Variants in KCNIP4 observed in about 807,000 individuals in gnomAD.
KCNIP4 encodes the protein potassium voltage-gated channel interacting protein 4, also known as Kv channel-interacting protein 4.
In KCNIP4, 12 loss-of-function variants were observed where a neutral mutation model predicts 34.0. The ratio of observed to expected loss-of-function variants is 0.35; its 90% CI spans 0.23 to 0.57. The LOEUF is 0.57. KCNIP4 is among the 20% of genes least tolerant of loss of function. KCNIP4 has a pLI of 0.83. For missense variants in KCNIP4, 238 were observed against 311.7 expected, an observed-to-expected ratio of 0.76 and a Z score of 1.78; for synonymous variants, 124 against 102.2, an observed-to-expected ratio of 1.21 and a Z score of -1.29.
intron 1 of KCNIP4, among the ~76,000 whole-genome samples, chr4:21,555,892 G>T (rs1039102456): frequency 6.6e-6 from 1 of 152,036 alleles, no homozygotes; most frequent in Non-Finnish European, 1.5e-5. Flanking sequence ...CCAGTTTGCT[G>T]GTCCATCAGA....
chr4:21,772,764 G>A (rs567663079), intron 1 of KCNIP4, among the ~76,000 whole-genome samples: 2 of 152,140 alleles, frequency 1.3e-5, no homozygotes, highest in South Asian at 2.1e-4. Context: ...AGTCAGTGAC[G>A]ATACCCCCTT....
chr4:21,199,408 T>C (rs1299399372), intron 1 of KCNIP4, among the ~76,000 whole-genome samples: 1 of 152,232 alleles, frequency 6.6e-6, no homozygotes, highest in African/African-American at 2.4e-5. Flanking sequence ...CACTTTTTGA[T>C]GGGGTTGTTT....
At chr4:21,892,960 C>T (rs1727189802) in intron 1 of KCNIP4, among the ~76,000 whole-genome samples, 2 of 152,098 alleles carry the variant, frequency 1.3e-5, no homozygotes, top group Non-Finnish European at 1.5e-5. Context: ...TAGAAAATAT[C>T]TTCTTATTTC....
At chr4:21,138,388 T>C (rs183003984) in intron 1 of KCNIP4, among the ~76,000 whole-genome samples, 1 of 152,346 alleles carries the variant, frequency 6.6e-6, no homozygotes, top group African/African-American at 2.4e-5. Context: ...ATATGCTTTT[T>C]CATGCTGTGG....
chr4:21,256,686 C>G (rs540085143), intron 1 of KCNIP4, among the ~76,000 whole-genome samples: 2 of 152,022 alleles, frequency 1.3e-5, no homozygotes, highest in Non-Finnish European at 2.9e-5. Flanking sequence ...AATTTTAATG[C>G]GAAGGAAAGC....
chr4:21,531,593 T>C (rs1736689558), intron 1 of KCNIP4, among the ~76,000 whole-genome samples: 1 of 151,980 alleles, frequency 6.6e-6, no homozygotes. Flanking sequence ...GCCAGGCTGG[T>C]CTGGAACTCC....
At chr4:21,004,526 A>T (rs1738395916) in intron 1 of KCNIP4, among the ~76,000 whole-genome samples, 2 of 152,016 alleles carry the variant, frequency 1.3e-5, no homozygotes, top group African/African-American at 2.4e-5. Flanking sequence ...AATGTGTGAG[A>T]CTCCCCAAGG....
intron 1 of KCNIP4, among the ~76,000 whole-genome samples, chr4:21,283,478 T>C (rs1762905937): frequency 1.3e-5 from 2 of 152,030 alleles, no homozygotes; most frequent in Non-Finnish European, 1.5e-5. Context: ...CATACCATTA[T>C]GTTTTCATAT....
At chr4:21,659,594 G>T (rs1206298616) in intron 1 of KCNIP4, among the ~76,000 whole-genome samples, 5 of 151,998 alleles carry the variant, frequency 3.3e-5, no homozygotes, top group African/African-American at 4.8e-5. Context: ...TAGAGATTTG[G>T]ATAATAACTT....
At chr4:20,856,156 T>G (rs2149489466) in intron 2 of KCNIP4, among the ~76,000 whole-genome samples, 1 of 152,340 alleles carries the variant, frequency 6.6e-6, no homozygotes, top group Non-Finnish European at 1.5e-5. Flanking sequence ...TGACTTCAAC[T>G]ATGTTGTATT....
At position 21,234,431 on chromosome 4, in the gene KCNIP4, TATAA is replaced by T. The variant is rs1240232611; in HGVS notation, c.62-351726_62-351723del. Among the ~76,000 whole-genome samples, 46 of 103,416 alleles carry T rather than the reference TATAA, an allele frequency of 4.4e-4. 14 individuals carry two copies. Among genetic ancestry groups the T allele is most frequent in the East Asian group, 1.2e-3 (4 of 3,420 alleles). The allele number at this position is 103,416 out of a possible 152,430, so 67.8% of individuals were successfully genotyped here. ...TATAACATATACTATATATATTACA[TATAA>T]CGTATATAATATATATTACATATAA... On this transcript the variant is annotated intron_variant, in intron 1 of 8. Coordinates refer to ENST00000382152, the MANE Select transcript of KCNIP4 (RefSeq NM_025221.6).
intron 1 of KCNIP4, among the ~76,000 whole-genome samples, chr4:21,634,246 A>AAC (rs1553914097): frequency 1.2e-3 from 164 of 140,454 alleles, no homozygotes; most frequent in Non-Finnish European, 1.6e-3. Flanking sequence ...AAAAAAAAAA[A>AAC]ACACATACAT....
intron 1 of KCNIP4, among the ~76,000 whole-genome samples, chr4:21,247,578 C>CATATATATATATATATATATATAT (rs368574338): frequency 3.0e-5 from 4 of 133,980 alleles, no homozygotes; most frequent in African/African-American, 5.6e-5. Context: ...GATATAAATA[C>CATATATATATATATATATATATAT]ATATATATAT....
intron 1 of KCNIP4, among the ~76,000 whole-genome samples, chr4:21,337,495 C>T (rs181622905): frequency 9.4e-4 from 143 of 152,212 alleles, no homozygotes; most frequent in Non-Finnish European, 1.4e-3. Context: ...AGACATGCTC[C>T]TTTGGATTTT....
At chr4:21,190,299 A>T (rs4697210) in intron 1 of KCNIP4, among the ~76,000 whole-genome samples, 1 of 151,610 alleles carries the variant, frequency 6.6e-6, no homozygotes, top group Non-Finnish European at 1.5e-5. Context: ...TTGGTTCGTT[A>T]GTATTGGTTA....
chr4:20,792,447 T>C (rs1712895212), intron 3 of KCNIP4, among the ~76,000 whole-genome samples: 1 of 151,872 alleles, frequency 6.6e-6, no homozygotes, highest in Non-Finnish European at 1.5e-5. Context: ...AACCCAACCA[T>C]ATCAATAATT....
intron 1 of KCNIP4, among the ~76,000 whole-genome samples, chr4:20,990,078 C>A (rs1043147070): frequency 6.6e-6 from 1 of 152,186 alleles, no homozygotes; most frequent in South Asian, 2.1e-4. Context: ...CACTTAACAT[C>A]AGGACTTGAT....
chr4:20,930,910 C>A (rs572881975), intron 1 of KCNIP4, among the ~76,000 whole-genome samples: 1 of 150,950 alleles, frequency 6.6e-6, no homozygotes, highest in East Asian at 1.9e-4. Flanking sequence ...ACACTGTTGG[C>A]GGGAATTTAG....
chr4:21,779,994 A>G (rs6448078), intron 1 of KCNIP4, among the ~76,000 whole-genome samples: 97,230 of 151,668 alleles, frequency 0.64, 32,324 homozygotes, highest in Non-Finnish European at 0.73. Flanking sequence ...GCATATCACA[A>G]TGGCTAGAAG....
Sources: gnomAD v4.1 joint callset for allele counts (sites outside exome capture counted in the v4.1 genomes callset) on GRCh38, gnomAD v4.1.1 for gene constraint, MANE v1.5 for transcripts, NCBI Gene and HGNC (gene_info 2026-07-23, HGNC 2026-07-21) for gene names.